YLPM1: variants seen among roughly 807,000 people sequenced by gnomAD.
The protein encoded by YLPM1 is YLP motif containing 1, also known as YLP motif-containing protein 1.
Under a neutral mutation model 230.0 loss-of-function variants are expected in YLPM1, and 99 were observed. The ratio of observed to expected loss-of-function variants is 0.43; its 90% CI spans 0.37 to 0.51. The LOEUF is 0.51. Ranked by LOEUF, YLPM1 falls within the 20% of genes least tolerant of loss-of-function variation. The probability of loss-of-function intolerance (pLI) is 0.00; values close to 1 mark genes in which losing one functional copy is unlikely to be tolerated. For synonymous variants in YLPM1, 984 were observed against 942.5 expected (o/e 1.04, Z -0.81); for missense variants, 2,592 against 2,707.7 (o/e 0.96, Z 0.95).
chr14:74,835,357 A>G lies in YLPM1; in HGVS notation c.6387A>G (p.Thr2129=), dbSNP rs1285646711. Residue 2129 remains threonine, a synonymous_variant, in exon 20 of 21, where the codon ACA becomes ACG. Transcript: ENST00000325680. ...GACAGACTGATTGGGAGAAGATCAC[A>G]GATGAAAGTGGTCACCTGGCTGAAA... is the stretch of plus-strand genomic sequence containing the variant. ...VVGQTDWEKI[T]DESGHLAEKA... 5.6e-6 allele frequency: 9 copies of G among 1,613,698 alleles called. No homozygotes were observed. Among genetic ancestry groups the G allele is most frequent in the Non-Finnish European group, 7.6e-6 (9 of 1,179,752 alleles).
In YLPM1 at chr14:74,781,537, G is replaced by A; in HGVS notation, c.1494G>A (p.Glu498=). The A allele has an allele frequency of 6.2e-7, 1 of 1,614,000 alleles. No individual in the cohort carries two copies. Among genetic ancestry groups the A allele is most frequent in the Non-Finnish European group, 8.5e-7 (1 of 1,179,898 alleles). ...AAGCCACTCAGAGCTATCTCCAGGA[G>A]AAAGTCAATTCATTTCAGAACATGA... is the stretch of plus-strand genomic sequence containing the variant. ...HMKATQSYLQ[E]KVNSFQNMKN... is the part of the protein sequence containing the mutation. Residue 498 remains glutamate, a synonymous_variant, in exon 4 of 21, where the codon GAG becomes GAA. Coordinates refer to ENST00000325680, the MANE Select transcript of YLPM1 (RefSeq NM_019589.3).
intron 1 of YLPM1, 113 bp from the exon 2 acceptor site, chr14:74,778,333 CT>C: frequency 1.6e-5 from 15 of 935,904 alleles, no homozygotes; most frequent in South Asian, 3.7e-5. Context: ...CTAGCTTTGC[CT>C]TTTTTTACAT....
Position 74,763,630 on chromosome 14 carries a change from C to T in YLPM1, c.141C>T (p.Ser47=). 6.3e-7 allele frequency: 1 copy of T among 1,593,250 alleles called. No homozygotes were observed. Among genetic ancestry groups the T allele is most frequent in the Non-Finnish European group, 8.6e-7 (1 of 1,169,152 alleles). Residue 47 remains serine, a synonymous_variant, in exon 1 of 21, where the codon TCC becomes TCT. Coordinates refer to ENST00000325680, the MANE Select transcript of YLPM1 (RefSeq NM_019589.3). ...SSSTTPAAPS[S]SGFMSFREQH... ...CGACGACTCCCGCGGCCCCCTCCTC[C>T]TCGGGCTTCATGAGCTTCCGCGAAC...
Position 74,798,790 on chromosome 14 carries a change from GA to G in YLPM1, c.3494del (p.Asp1165ValfsTer42), listed in dbSNP as rs1442830312. 6.2e-7 allele frequency: 1 copy of G among 1,613,816 alleles called. No individual in the cohort carries two copies. The highest frequency in any genetic ancestry group is 8.5e-7 in the Non-Finnish European group (1 of 1,179,874). ...RGLGRSDFGR[D>X]RGPFRPEPGD... ...ACTGGGAAGATCAGATTTTGGTCGT[GA>G]TAGAGGTCCATTCAGACCAGAACCA... On this transcript the variant is annotated frameshift_variant, in exon 5 of 21. Coordinates refer to ENST00000325680, the MANE Select transcript of YLPM1 (RefSeq NM_019589.3). LOFTEE classifies it high-confidence loss of function.
chr14:74,796,397 C>T (rs1027789461), intron 4 of YLPM1, among the ~76,000 whole-genome samples: 1 of 152,194 alleles, frequency 6.6e-6, no homozygotes, highest in Non-Finnish European at 1.5e-5. Flanking sequence ...GGTGCCCTTG[C>T]CACATACTTT....
At chr14:74,813,318 G>A (rs2091451367) in intron 11 of YLPM1, among the ~76,000 whole-genome samples, 2 of 152,070 alleles carry the variant, frequency 1.3e-5, no homozygotes, top group Admixed American at 6.5e-5. Context: ...CTTTCCTGTG[G>A]TTGCTGTTTG....
Position 74,816,580 on chromosome 14 carries a change from G to T in YLPM1, c.5575G>T (p.Val1859Leu), listed in dbSNP as rs1168205272. 1.2e-6 allele frequency: 2 copies of T among 1,612,980 alleles called. No individual in the cohort carries two copies. Among genetic ancestry groups the T allele is most frequent in the Non-Finnish European group, 1.7e-6 (2 of 1,179,606 alleles). Residue 1859 changes from valine (V) to leucine (L), a missense_variant, in exon 13 of 21, where the codon GTA (valine) becomes TTA (leucine). Physicochemically the swap from Val to Leu is conservative, Grantham distance 32. This residue lies in a region of YLPM1 where 315 missense variants were observed against 429.3 expected (regional missense o/e 0.73). Transcript: ENST00000325680. ...HVAKLIRDKEVEFGGPAPRVL... is the reference protein window; with the variant it reads ...HVAKLIRDKELEFGGPAPRVL... Reference sequence around the variant, plus strand: ...ACTGTATGATTCTTAGGATAAGGAGGTAGAATTTGGAGGACCTGCACCCAG... The same window carrying T: ...ACTGTATGATTCTTAGGATAAGGAGTTAGAATTTGGAGGACCTGCACCCAG...
rs914497307 is a variant in YLPM1 at position 74,828,550 on chromosome 14, C to G, written c.6164-663C>G. The stretch of plus-strand genomic sequence containing the variant: ...TTGGAAAGCCTAGCCCTCTCAGATT[C>G]AGGGTTCAGAAAGAATTACCAGGTC... On this transcript the variant is annotated intron_variant, in intron 18 of 20. Coordinates refer to ENST00000325680, the MANE Select transcript of YLPM1 (RefSeq NM_019589.3). Among the ~76,000 whole-genome samples the G allele has an allele frequency of 2.6e-5, 4 of 152,156 alleles. No individual in the cohort carries two copies. The East Asian group carries it at 5.8e-4, about 22-fold the overall frequency.
chr14:74,829,088 T>G, intron 18 of YLPM1, 125 bp from the exon 19 acceptor site: 1 of 1,086,428 alleles, frequency 9.2e-7, no homozygotes, highest in Non-Finnish European at 1.3e-6. Context: ...GATCTGCAAG[T>G]GATGCTGCAC....
intron 4 of YLPM1, among the ~76,000 whole-genome samples, chr14:74,790,822 T>G (rs994924225): frequency 6.6e-6 from 1 of 152,246 alleles, no homozygotes; most frequent in Non-Finnish European, 1.5e-5. Context: ...CTTATTTTCA[T>G]ACAGATTTTT....
In YLPM1 at chr14:74,822,826, C is replaced by A. The variant is rs548188587; in HGVS notation, c.6112-1430C>A. 3.5e-4 allele frequency among the ~76,000 whole-genome samples: 53 copies of A among 150,420 alleles called. 1 individual carries two copies. The highest frequency in any genetic ancestry group is 1.8e-3 in the South Asian group (8 of 4,550). On this transcript the variant is annotated intron_variant, in intron 17 of 20. Coordinates refer to ENST00000325680, the MANE Select transcript of YLPM1 (RefSeq NM_019589.3). ...ACTAATTAATATAGCTGGATGAAAT[C>A]CAAAGTTTTGTTGGTAAAGATAATC...
At chr14:74,819,350 C>T (rs1290376460) in intron 16 of YLPM1, among the ~76,000 whole-genome samples, 3 of 149,500 alleles carry the variant, frequency 2.0e-5, no homozygotes, top group East Asian at 4.0e-4. Flanking sequence ...TCTCGGCTCA[C>T]TGCAACCTCC....
intron 4 of YLPM1, among the ~76,000 whole-genome samples, chr14:74,796,992 A>G (rs1168646509): frequency 2.0e-4 from 16 of 81,224 alleles, no homozygotes; most frequent in African/African-American, 4.2e-5. Context: ...TTTTTTTGAG[A>G]CGGAGTCTCA....
chr14:74,809,589 T>C lies in YLPM1; in HGVS notation c.4731T>C (p.Asp1577=). 6.2e-7 allele frequency: 1 copy of C among 1,613,404 alleles called. No individual in the cohort carries two copies. Among genetic ancestry groups the C allele is most frequent in the Non-Finnish European group, 8.5e-7 (1 of 1,179,602 alleles). ...TAGAACAGGAACGATGGGATGAAGATTCTTTCTATGGGCTCTGGGATACAA... is the reference window on the plus strand; with the variant it reads ...TAGAACAGGAACGATGGGATGAAGACTCTTTCTATGGGCTCTGGGATACAA... ...SAVEQERWDE[D]SFYGLWDTND... is the part of the protein sequence containing the mutation. The change falls in exon 7 of 21, where the codon GAT becomes GAC. Residue 1577 remains aspartate, a synonymous_variant. Transcript: ENST00000325680.
intron 1 of YLPM1, among the ~76,000 whole-genome samples, chr14:74,774,583 T>C (rs1030366531): frequency 4.6e-5 from 7 of 152,190 alleles, no homozygotes; most frequent in African/African-American, 1.7e-4. Flanking sequence ...TTTTTTTATA[T>C]TTTTAGGAGA....
chr14:74,781,507 T>C lies in YLPM1; in HGVS notation c.1464T>C (p.His488=). 6.2e-7 allele frequency: 1 copy of C among 1,613,912 alleles called. No homozygotes were observed. The highest frequency in any genetic ancestry group is 8.5e-7 in the Non-Finnish European group (1 of 1,179,866). ...YEKQWKTWQG[H]MKATQSYLQE... is the part of the protein sequence containing the mutation. ...AGCAGTGGAAAACATGGCAGGGACA[T>C]ATGAAAGCCACTCAGAGCTATCTCC... Residue 488 remains histidine, a synonymous_variant, in exon 4 of 21, where the codon CAT becomes CAC. Transcript: ENST00000325680.
rs1479464355 is a variant in YLPM1 at position 74,836,860 on chromosome 14, T to C, written c.*1122T>C. 6.6e-6 allele frequency: 1 copy of C among 152,614 alleles called. No individual in the cohort carries two copies. The highest frequency in any genetic ancestry group is 1.5e-5 in the Non-Finnish European group (1 of 68,036). 9.5% of individuals were successfully genotyped at this position (152,614 alleles called of 1,614,324 possible). A position where few individuals can be genotyped will look rare whatever the true frequency, so the allele number is the denominator to read the frequency against. On this transcript the variant is annotated 3_prime_UTR_variant, in exon 21 of 21. Coordinates refer to ENST00000325680, the MANE Select transcript of YLPM1 (RefSeq NM_019589.3). ...TACAGAGATAAAACCCAAATATTAT[T>C]TCTATGTAAACACAGAAAAGGGACT...
rs1817154919 is a variant in YLPM1 at position 74,781,665 on chromosome 14, C to T, written c.1622C>T (p.Ser541Leu). Reference sequence around the variant, plus strand: ...ATGCCCCCTCCAGTGTTGCCTCCTTCATTGCCACCACCAGTGATGCCCCCT... The same window carrying T: ...ATGCCCCCTCCAGTGTTGCCTCCTTTATTGCCACCACCAGTGATGCCCCCT... ...PTMPPPVLPP[S>L]LPPPVMPPAL... The change falls in exon 4 of 21, where the codon TCA (serine) becomes TTA (leucine). Residue 541 changes from serine to leucine, a missense_variant. Ser to Leu is a moderately radical substitution (Grantham distance 145, BLOSUM62 -2). Transcript: ENST00000325680. 3 of 1,613,392 alleles carry T rather than the reference C, an allele frequency of 1.9e-6. No individual in the cohort carries two copies. The highest frequency in any genetic ancestry group is 2.7e-5 in the African/African-American group (2 of 74,750).
At chr14:74,835,063 G>T (rs1358973964) in intron 19 of YLPM1, 1 of 582,914 alleles carries the variant, frequency 1.7e-6, no homozygotes. Flanking sequence ...AGCTGGAATG[G>T]TTAGGACTTG....
Sources: gnomAD v4.1 joint callset for allele counts (sites outside exome capture counted in the v4.1 genomes callset) on GRCh38, gnomAD v4.1.1 for gene constraint, gnomAD v4.1.1 regional missense constraint, MANE v1.5 for transcripts, NCBI Gene and HGNC (gene_info 2026-07-23, HGNC 2026-07-21) for gene names.